The following DMD variants were observed in gnomAD, a reference collection of about 807,000 sequenced individuals.
The protein encoded by DMD is dystrophin.
DMD carries 63 observed loss-of-function variants against 330.1 expected under a neutral mutation model. That is an observed-to-expected ratio of 0.19 (90% confidence interval 0.16 to 0.24). The LOEUF is 0.24. Ranked by LOEUF, DMD falls within the 10% of genes least tolerant of loss-of-function variation. The pLI, the probability that DMD is intolerant of heterozygous loss-of-function variation, is 1.00. For synonymous variants in DMD, 1,223 were observed against 959.8 expected, an observed-to-expected ratio of 1.27 and a Z score of -5.07; for missense variants, 3,344 against 2,684.1, an observed-to-expected ratio of 1.25 and a Z score of -5.43.
At chrX:32,422,459 A>G (rs1457012295) in intron 29 of DMD, among the ~76,000 whole-genome samples, 3 of 111,740 alleles carry the variant, frequency 2.7e-5, no homozygotes, top group African/African-American at 9.8e-5. Context: ...GATGTCTTAA[A>G]TAACAACAAC....
intron 7 of DMD, among the ~76,000 whole-genome samples, chrX:32,795,823 A>C (rs752649238): frequency 1.2e-4 from 13 of 111,967 alleles, no homozygotes; most frequent in South Asian, 3.7e-4. Context: ...TCTCAAAAGA[A>C]GACAAATGAC....
At chrX:32,069,521 A>G (rs2096281665) in intron 44 of DMD, among the ~76,000 whole-genome samples, 2 of 111,850 alleles carry the variant, frequency 1.8e-5, no homozygotes, top group Admixed American at 9.5e-5. Context: ...TAAGTCTCCA[A>G]CCAAGTTTTA....
chrX:31,549,337 A>T (rs2074340181), intron 55 of DMD, among the ~76,000 whole-genome samples: 1 of 111,387 alleles, frequency 9.0e-6, no homozygotes, highest in African/African-American at 3.3e-5. Context: ...AAAAAAAAAA[A>T]TGGATTACTT....
chrX:32,119,328 TA>T (rs563310793), intron 44 of DMD, among the ~76,000 whole-genome samples: 1,235 of 72,983 alleles, frequency 0.017, 7 homozygotes, highest in African/African-American at 0.023. Flanking sequence ...GTGAGACAGT[TA>T]AAAAAAAAAA....
At chrX:31,649,913 T>C (rs1370660270) in intron 54 of DMD, among the ~76,000 whole-genome samples, 1 of 110,346 alleles carries the variant, frequency 9.1e-6, no homozygotes, top group Non-Finnish European at 1.9e-5. Flanking sequence ...TATTCAAAAT[T>C]GAGAGGGTTG....
At chrX:31,246,872 G>A (rs2048875477) in intron 63 of DMD, among the ~76,000 whole-genome samples, 1 of 109,926 alleles carries the variant, frequency 9.1e-6, no homozygotes, top group South Asian at 4.0e-4. Context: ...GTTGCAGTGA[G>A]CCAAGATCGT....
chrX:32,629,056 G>C (rs1040708592), intron 11 of DMD, among the ~76,000 whole-genome samples: 1 of 111,728 alleles, frequency 9.0e-6, no homozygotes, highest in Non-Finnish European at 1.9e-5. Context: ...TAATAAGTCT[G>C]ATGTTTCTTT....
intron 18 of DMD, among the ~76,000 whole-genome samples, chrX:32,502,226 A>T (rs2044131732): frequency 9.0e-6 from 1 of 111,699 alleles, no homozygotes; most frequent in South Asian, 3.7e-4. Flanking sequence ...ATAAGTATAT[A>T]GGCGGTATTA....
chrX:31,422,037 ATATATATT>A (rs1569540539), intron 60 of DMD, among the ~76,000 whole-genome samples: 146 of 7,627 alleles, frequency 0.019, 3 homozygotes, highest in Middle Eastern at 0.25. Context: ...ACATATATAT[ATATATATT>A]TTTTTTTTTC....
At chrX:32,827,242 C>T (rs2078792151) in intron 4 of DMD, among the ~76,000 whole-genome samples, 2 of 110,458 alleles carry the variant, frequency 1.8e-5, no homozygotes, top group Non-Finnish European at 3.8e-5. Context: ...AAGCAAAAGA[C>T]ATAAGATATA....
At chrX:31,458,793 C>T (rs2066350591) in intron 59 of DMD, among the ~76,000 whole-genome samples, 1 of 109,644 alleles carries the variant, frequency 9.1e-6, no homozygotes, top group Non-Finnish European at 1.9e-5. Flanking sequence ...CAGATTTCAC[C>T]AAGACCCCTC....
chrX:31,820,202 T>C, intron 49 of DMD, 119 bp from the exon 50 acceptor site: 1 of 614,712 alleles, frequency 1.6e-6, no homozygotes, highest in Non-Finnish European at 2.6e-6. Context: ...ACTTCTAAAT[T>C]AACTTTAGTG....
At chrX:32,397,967 G>C (rs748680502) in intron 30 of DMD, among the ~76,000 whole-genome samples, 2 of 111,086 alleles carry the variant, frequency 1.8e-5, no homozygotes, top group South Asian at 7.5e-4. Context: ...TGAGACTACT[G>C]ATTGATGGAG....
rs187993479 is a variant in DMD at position 31,699,362 on chromosome X, G to T, written c.7661-19776C>A. ...TTGTGAAGAACTCACCCAGCCCAGTGCCTAGATGAACAAATGACGTATCAA... is the reference window on the plus strand; with the variant it reads ...TTGTGAAGAACTCACCCAGCCCAGTTCCTAGATGAACAAATGACGTATCAA... On this transcript the variant is annotated intron_variant, in intron 52 of 78. Transcript: ENST00000357033. 1.1e-4 allele frequency among the ~76,000 whole-genome samples: 12 copies of T among 112,490 alleles called. No individual in the cohort carries two copies. In the Admixed American group the frequency reaches 1.1e-3, roughly 11 times the overall value.
chrX:32,411,809 C>A lies in DMD; in HGVS notation c.4176G>T (p.Gln1392His), dbSNP rs372863584. Residue 1392 changes from glutamine (Q) to histidine (H), a missense_variant, in exon 30 of 79, where the codon CAG (glutamine) becomes CAT (histidine). Gln to His is a conservative substitution (Grantham distance 24). Coordinates refer to ENST00000357033, the MANE Select transcript of DMD (RefSeq NM_004006.3). ...CCTTGTCTGCAATATAAGCTGCCAACTGCTTGTCAATGAATGTGAGGGACT... is the reference window on the plus strand; with the variant it reads ...CCTTGTCTGCAATATAAGCTGCCAAATGCTTGTCAATGAATGTGAGGGACT... ...IQESLTFIDK[Q>H]LAAYIADKVD... 8.3e-7 allele frequency: 1 copy of A among 1,211,388 alleles called. No homozygotes were observed. The highest frequency in any genetic ancestry group is 1.1e-6 in the Non-Finnish European group (1 of 895,327).
rs1304536830 is a variant in DMD at position 32,863,508 on chromosome X, T to TAAAA, written c.94-13689_94-13688insTTTT. ...CTGGGTGGCAGAGTGAGACTCCGTCTCAAAAAAAAAAAAAAAAGATTGTGT... is the reference window on the plus strand; with the variant it reads ...CTGGGTGGCAGAGTGAGACTCCGTCTAAAACAAAAAAAAAAAAAAAAGATTGTGT... On this transcript the variant is annotated intron_variant, in intron 2 of 78. Coordinates refer to ENST00000357033, the MANE Select transcript of DMD (RefSeq NM_004006.3). Among the ~76,000 whole-genome samples, 3 of 38,015 alleles carry TAAAA rather than the reference T, an allele frequency of 7.9e-5. No individual in the cohort carries two copies. The African/African-American group carries it at 1.2e-3, about 15-fold the overall frequency. 33.0% of individuals were successfully genotyped at this position (38,015 alleles called of 115,157 possible).
chrX:31,146,539 A>G (rs1457492217), intron 75 of DMD, 125 bp from the exon 76 acceptor site: 1 of 672,972 alleles, frequency 1.5e-6, no homozygotes, highest in Admixed American at 2.7e-5. Context: ...AGCCCTCCCA[A>G]AGATTGTTTA....
In DMD at chrX:31,242,262, C is replaced by CAAAAAAAA. The variant is rs72176984; in HGVS notation, c.9286+18685_9286+18692dup. Reference sequence around the variant, plus strand: ...CAAAGTGAGACCCTGTCTCAAAAAGCAAAAAAAAAAAAAAAAAAAAAAAAA... The same window carrying CAAAAAAAA: ...CAAAGTGAGACCCTGTCTCAAAAAGCAAAAAAAAAAAAAAAAAAAAAAAAAAAAAAAAA... On this transcript the variant is annotated intron_variant, in intron 63 of 78. Coordinates refer to ENST00000357033, the MANE Select transcript of DMD (RefSeq NM_004006.3). 5.2e-3 allele frequency among the ~76,000 whole-genome samples: 127 copies of CAAAAAAAA among 24,648 alleles called. 15 individuals carry two copies. Among genetic ancestry groups the CAAAAAAAA allele is most frequent in the South Asian group, 0.013 (2 of 155 alleles). The allele number at this position is 24,648 out of a possible 115,157, so 21.4% of individuals were successfully genotyped here. A position where few individuals can be genotyped will look rare whatever the true frequency, so the allele number is the denominator to read the frequency against.
chrX:32,157,972 C>T (rs2096836307), intron 44 of DMD, among the ~76,000 whole-genome samples: 1 of 112,156 alleles, frequency 8.9e-6, no homozygotes. Flanking sequence ...GCACCTGCAC[C>T]TTCCAAAGTG....
Sources: allele counts gnomAD v4.1 joint callset (sites outside exome capture counted in the v4.1 genomes callset), GRCh38; gene constraint gnomAD v4.1.1; transcripts MANE v1.5; gene names NCBI Gene and HGNC (gene_info 2026-07-23, HGNC 2026-07-21).